Variants in PTPRD observed in about 807,000 individuals in gnomAD.
PTPRD encodes the protein protein tyrosine phosphatase receptor type D, also known as receptor-type tyrosine-protein phosphatase delta.
In PTPRD, 34 loss-of-function variants were observed where a neutral mutation model predicts 214.5. The observed-to-expected ratio is 0.16, with a 90% CI of 0.12 to 0.21. The LOEUF (loss-of-function observed/expected upper bound fraction) is 0.21. Ranked by LOEUF, PTPRD falls within the 10% of genes least tolerant of loss-of-function variation. The pLI is 1.00. For synonymous variants in PTPRD, 1,128 were observed against 845.7 expected (o/e 1.33, Z -5.79); for missense variants, 2,545 against 2,398.7 (o/e 1.06, Z -1.27).
intron 8 of PTPRD, among the ~76,000 whole-genome samples, chr9:9,492,587 T>G (rs749744754): frequency 1.6e-4 from 25 of 152,152 alleles, no homozygotes; most frequent in South Asian, 4.1e-4. Flanking sequence ...AAAAAGCAAC[T>G]GACAAAATTC....
At chr9:8,613,762 A>G (rs1185501292) in intron 14 of PTPRD, among the ~76,000 whole-genome samples, 1 of 152,168 alleles carries the variant, frequency 6.6e-6, no homozygotes, top group Non-Finnish European at 1.5e-5. Context: ...TCTACATGAC[A>G]GTCCACAGAG....
At chr9:8,683,564 G>C (rs548014285) in intron 12 of PTPRD, among the ~76,000 whole-genome samples, 1 of 152,140 alleles carries the variant, frequency 6.6e-6, no homozygotes, top group South Asian at 2.1e-4. Context: ...AAAGGAGGAA[G>C]AAATAAAATT....
chr9:10,082,056 G>A (rs1023452553), intron 3 of PTPRD, among the ~76,000 whole-genome samples: 1 of 152,004 alleles, frequency 6.6e-6, no homozygotes, highest in East Asian at 1.9e-4. Context: ...CAATAAATCT[G>A]TGTGTAGGTG....
chr9:10,202,466 G>C (rs543844010), intron 3 of PTPRD, among the ~76,000 whole-genome samples: 1 of 146,046 alleles, frequency 6.8e-6, no homozygotes. Flanking sequence ...CATTAGAAAG[G>C]ATACTAAATA....
rs1299480219 is a variant in PTPRD at position 8,633,378 on chromosome 9, T to C, written c.291A>G (p.Glu97=). The change falls in exon 14 of 46, where the codon GAA becomes GAG. Residue 97 remains glutamate (E), a synonymous_variant. Transcript: ENST00000381196. ...LRTPRDEAIY[E]CVASNNVGEI... ...CTCCCACATTATTTGAGGCCACACA[T>C]TCATAAATGGCCTCATCCCTCGGAG... 1 of 1,612,884 alleles carries C rather than the reference T, an allele frequency of 6.2e-7. No homozygotes were observed. The highest frequency in any genetic ancestry group is 8.5e-7 in the Non-Finnish European group (1 of 1,179,134).
intron 10 of PTPRD, among the ~76,000 whole-genome samples, chr9:9,173,468 A>C (rs527382595): frequency 6.8e-4 from 103 of 152,184 alleles, no homozygotes; most frequent in Middle Eastern, 3.4e-3. Flanking sequence ...TCATTGTGCA[A>C]ACATCATAGA....
chr9:8,810,251 A>T (rs571203523), intron 11 of PTPRD, among the ~76,000 whole-genome samples: 1 of 152,326 alleles, frequency 6.6e-6, no homozygotes, highest in Admixed American at 6.5e-5. Context: ...AGACTATTGC[A>T]CACAAAAAAA....
At chr9:8,659,239 CAAGTG>C (rs2096980208) in intron 12 of PTPRD, among the ~76,000 whole-genome samples, 1 of 152,168 alleles carries the variant, frequency 6.6e-6, no homozygotes, top group Non-Finnish European at 1.5e-5. Context: ...TGAATTTCTT[CAAGTG>C]AATGCTGAGA....
intron 2 of PTPRD, among the ~76,000 whole-genome samples, chr9:10,564,179 T>TTTTTTTTTTTTTTTTTG (rs2064938082): frequency 9.5e-6 from 1 of 105,634 alleles, no homozygotes; most frequent in African/African-American, 3.5e-5. Flanking sequence ...TTCTTTTTTT[T>TTTTTTTTTTTTTTTTTG]TTTTTTTTTT....
intron 31 of PTPRD, among the ~76,000 whole-genome samples, chr9:8,469,311 G>T (rs1015036044): frequency 6.6e-6 from 1 of 151,966 alleles, no homozygotes; most frequent in African/African-American, 2.4e-5. Context: ...CTACCAAACG[G>T]CTTTACTTCT....
At chr9:9,399,997 G>A (rs1395108905) in intron 8 of PTPRD, among the ~76,000 whole-genome samples, 1 of 151,194 alleles carries the variant, frequency 6.6e-6, no homozygotes, top group Non-Finnish European at 1.5e-5. Context: ...ATTAATAAAA[G>A]TGAACTGAAT....
At chr9:9,616,002 G>A (rs377697109) in intron 7 of PTPRD, among the ~76,000 whole-genome samples, 25 of 152,110 alleles carry the variant, frequency 1.6e-4, no homozygotes, top group African/African-American at 6.0e-4. Flanking sequence ...TATTTTTAAA[G>A]GTTTATTATC....
chr9:8,981,988 A>G (rs1221878965), intron 11 of PTPRD, among the ~76,000 whole-genome samples: 1 of 152,076 alleles, frequency 6.6e-6, no homozygotes, highest in Non-Finnish European at 1.5e-5. Flanking sequence ...TCACTTTTTA[A>G]AAGACTTACT....
intron 9 of PTPRD, among the ~76,000 whole-genome samples, chr9:9,199,439 G>A (rs2099940581): frequency 6.6e-6 from 1 of 152,110 alleles, no homozygotes; most frequent in Admixed American, 6.6e-5. Context: ...AAAACTCAAA[G>A]TCTGTAAAAT....
chr9:10,329,271 C>G (rs1170499138), intron 3 of PTPRD, among the ~76,000 whole-genome samples: 1 of 151,046 alleles, frequency 6.6e-6, no homozygotes, highest in Non-Finnish European at 1.5e-5. Context: ...CCTGTGTTAC[C>G]TTTTGTTTTA....
intron 9 of PTPRD, among the ~76,000 whole-genome samples, chr9:9,277,009 T>C (rs1028897835): frequency 6.6e-6 from 1 of 151,230 alleles, no homozygotes; most frequent in African/African-American, 2.4e-5. Context: ...CCAAGAAAAG[T>C]AGAGCACCCC....
chr9:10,606,533 C>CTTTTTTTTTTTTTT (rs34402701), intron 2 of PTPRD, among the ~76,000 whole-genome samples: 1 of 143,500 alleles, frequency 7.0e-6, no homozygotes, highest in Non-Finnish European at 1.5e-5. Flanking sequence ...TCTTTATTTT[C>CTTTTTTTTTTTTTT]TTTTTTTTTT....
At chr9:10,304,252 G>A (rs1029816528) in intron 3 of PTPRD, among the ~76,000 whole-genome samples, 5 of 152,092 alleles carry the variant, frequency 3.3e-5, no homozygotes, top group Admixed American at 6.6e-5. Flanking sequence ...AGGTACTGAC[G>A]GAATGTATCT....
chr9:8,403,427 G>T (rs1479353114), intron 36 of PTPRD, among the ~76,000 whole-genome samples: 3 of 152,218 alleles, frequency 2.0e-5, no homozygotes, highest in African/African-American at 7.2e-5. Flanking sequence ...CATGTGCCAA[G>T]GGTGACCCAG....
Sources: gnomAD v4.1 joint callset for allele counts (sites outside exome capture counted in the v4.1 genomes callset) on GRCh38, gnomAD v4.1.1 for gene constraint, MANE v1.5 for transcripts, NCBI Gene and HGNC (gene_info 2026-07-23, HGNC 2026-07-21) for gene names.